The following FAM171A1 variants were observed in gnomAD, a reference collection of about 807,000 sequenced individuals.
FAM171A1 encodes the protein family with sequence similarity 171 member A1, also known as protein FAM171A1.
A neutral mutation model predicts 74.9 loss-of-function variants in FAM171A1; 23 were observed. The ratio of observed to expected loss-of-function variants is 0.31; its 90% CI spans 0.22 to 0.44. The LOEUF (loss-of-function observed/expected upper bound fraction) is 0.44. FAM171A1 is among the 20% of genes least tolerant of loss of function. FAM171A1 has a pLI of 1.00. For missense variants in FAM171A1, 1,162 were observed against 1,159.2 expected (o/e 1.00, Z -0.03); for synonymous variants, 527 against 505.7 (o/e 1.04, Z -0.57).
intron 2 of FAM171A1, among the ~76,000 whole-genome samples, chr10:15,279,173 G>A (rs541847159): frequency 6.6e-6 from 1 of 152,322 alleles, no homozygotes; most frequent in South Asian, 2.1e-4. Flanking sequence ...GACCATCGCA[G>A]TGTGTTTTGA....
intron 1 of FAM171A1, among the ~76,000 whole-genome samples, chr10:15,367,493 GC>G (rs1836079923): frequency 6.6e-6 from 1 of 152,194 alleles, no homozygotes; most frequent in South Asian, 2.1e-4. Flanking sequence ...TCCAGCTCCT[GC>G]GGTTTCCCAG....
At chr10:15,243,809 A>AT (rs753134546) in intron 5 of FAM171A1, among the ~76,000 whole-genome samples, 104,529 of 151,730 alleles carry the variant, frequency 0.69, 36,303 homozygotes, top group South Asian at 0.84. Context: ...GTATACATTG[A>AT]CTGAGCAGCT....
intron 1 of FAM171A1, among the ~76,000 whole-genome samples, chr10:15,290,175 C>G (rs1835086670): frequency 6.6e-6 from 1 of 151,948 alleles, no homozygotes; most frequent in Non-Finnish European, 1.5e-5. Context: ...TTGCAGTGAA[C>G]CGAGACCACG....
chr10:15,295,790 C>T (rs1835154480), intron 1 of FAM171A1, among the ~76,000 whole-genome samples: 1 of 152,214 alleles, frequency 6.6e-6, no homozygotes, highest in Non-Finnish European at 1.5e-5. Context: ...GCCCAGCACT[C>T]CTGTGGCTGC....
At position 15,254,976 on chromosome 10, in the gene FAM171A1, C is replaced by T. The variant is rs963208662; in HGVS notation, c.419-97G>A. ...GTGCCTCTCTAAGGTTTCAGCACGC[C>T]TCCCCCACCCTGCTCCCTCTCACAA... On this transcript the variant is annotated intron_variant, in intron 3 of 7. Coordinates refer to ENST00000378116, the MANE Select transcript of FAM171A1 (RefSeq NM_001010924.2). The T allele has an allele frequency of 4.5e-6, 5 of 1,103,142 alleles. No individual in the cohort carries two copies. The African/African-American group carries it at 6.3e-5, about 14-fold the overall frequency. The allele number at this position is 1,103,142 out of a possible 1,614,324, so 68.3% of individuals were successfully genotyped here. A position where few individuals can be genotyped will look rare whatever the true frequency, so the allele number is the denominator to read the frequency against.
chr10:15,308,512 G>C (rs975802214), intron 1 of FAM171A1, among the ~76,000 whole-genome samples: 2 of 152,144 alleles, frequency 1.3e-5, no homozygotes, highest in East Asian at 1.9e-4. Flanking sequence ...TGCCCAGGCT[G>C]GAGTGCAGTG....
At chr10:15,227,711 C>A (rs561492705) in intron 5 of FAM171A1, among the ~76,000 whole-genome samples, 1 of 152,182 alleles carries the variant, frequency 6.6e-6, no homozygotes, top group African/African-American at 2.4e-5. Flanking sequence ...TTAGACCTTA[C>A]ACAATGGAAA....
At chr10:15,293,285 C>T (rs1427589848) in intron 1 of FAM171A1, among the ~76,000 whole-genome samples, 1 of 152,056 alleles carries the variant, frequency 6.6e-6, no homozygotes, top group African/African-American at 2.4e-5. Context: ...CCATTTATTT[C>T]TTATAACTAC....
intron 3 of FAM171A1, 30 bp downstream of exon 3, chr10:15,275,825 A>G: frequency 7.0e-7 from 1 of 1,427,476 alleles, no homozygotes; most frequent in Non-Finnish European, 9.6e-7. Flanking sequence ...CAAAAATAAC[A>G]ATAAAAACTG....
chr10:15,254,770 C>T lies in FAM171A1; in HGVS notation c.528G>A (p.Ser176=), dbSNP rs1019438801. The T allele has an allele frequency of 7.4e-6, 12 of 1,614,096 alleles. 1 individual carries two copies. The Admixed American group carries it at 1.0e-4, about 13-fold the overall frequency. The part of the protein sequence containing the change: ...TAFLTAASSP[S]EVDSFPYLRG... ...GCAAATAAGGAAAACTGTCCACCTC[C>T]GAAGGGGAGCTGGCGGCCGTGAGAA... The change falls in exon 4 of 8, where the codon TCG becomes TCA. Residue 176 remains serine (S), a synonymous_variant. Transcript: ENST00000378116.
chr10:15,239,237 A>T (rs1283419189), intron 5 of FAM171A1, among the ~76,000 whole-genome samples: 1 of 152,236 alleles, frequency 6.6e-6, no homozygotes, highest in Non-Finnish European at 1.5e-5. Context: ...ATGGGAAGGA[A>T]AACTGCTTCT....
At chr10:15,314,529 C>T (rs1264946551) in intron 1 of FAM171A1, among the ~76,000 whole-genome samples, 1 of 152,152 alleles carries the variant, frequency 6.6e-6, no homozygotes, top group Non-Finnish European at 1.5e-5. Flanking sequence ...CCTGGCTTGA[C>T]CTAAAATTGG....
At chr10:15,279,060 T>C (rs4748151) in intron 2 of FAM171A1, among the ~76,000 whole-genome samples, 47,297 of 151,812 alleles carry the variant, frequency 0.31, 8,900 homozygotes, top group East Asian at 0.58. Flanking sequence ...AGAGCTCCCG[T>C]GGCGACTGCA....
At chr10:15,238,009 T>A (rs761690722) in intron 5 of FAM171A1, among the ~76,000 whole-genome samples, 18 of 152,322 alleles carry the variant, frequency 1.2e-4, no homozygotes, top group Non-Finnish European at 2.2e-4. Context: ...TGCCCTGAAC[T>A]ACGGCATCTA....
intron 5 of FAM171A1, among the ~76,000 whole-genome samples, chr10:15,223,128 C>G (rs1834060664): frequency 1.3e-5 from 2 of 152,018 alleles, no homozygotes; most frequent in Non-Finnish European, 1.5e-5. Context: ...TCACTTGAAG[C>G]CAGGAGTTCG....
intron 1 of FAM171A1, among the ~76,000 whole-genome samples, chr10:15,360,483 A>G (rs1222960297): frequency 6.6e-6 from 1 of 152,218 alleles, no homozygotes; most frequent in Non-Finnish European, 1.5e-5. Flanking sequence ...TTCACAAACA[A>G]GACTTTGAGG....
chr10:15,370,987 CT>C lies in FAM171A1; in HGVS notation c.65del (p.Lys22ArgfsTer13). ...LGCHVWKAVT[K>X]TLREPGAGAQ... ...CTCCGGCGCCGGGCTCCCGCAGCGT[CT>C]TGGTCACCGCCTTCCAGACGTGGCA... is the stretch of plus-strand genomic sequence containing the variant. On this transcript the variant is annotated frameshift_variant, in exon 1 of 8. Transcript: ENST00000378116. LOFTEE classifies it high-confidence loss of function. 1 of 1,192,238 alleles carries C rather than the reference CT, an allele frequency of 8.4e-7. No individual in the cohort carries two copies. Among genetic ancestry groups the C allele is most frequent in the Non-Finnish European group, 1.1e-6 (1 of 939,092 alleles). 73.9% of individuals were successfully genotyped at this position (1,192,238 alleles called of 1,614,324 possible).
At chr10:15,257,974 C>G (rs1481268329) in intron 3 of FAM171A1, among the ~76,000 whole-genome samples, 1 of 152,154 alleles carries the variant, frequency 6.6e-6, no homozygotes, top group African/African-American at 2.4e-5. Flanking sequence ...AGGGCTCCAT[C>G]CCCATCCCCA....
intron 1 of FAM171A1, among the ~76,000 whole-genome samples, chr10:15,329,010 G>A (rs536029013): frequency 2.0e-5 from 3 of 152,254 alleles, no homozygotes; most frequent in Non-Finnish European, 4.4e-5. Flanking sequence ...CAGTCACGCC[G>A]CACATAAACA....
Sources: gnomAD v4.1 joint callset for allele counts (sites outside exome capture counted in the v4.1 genomes callset) on GRCh38, gnomAD v4.1.1 for gene constraint, MANE v1.5 for transcripts, NCBI Gene and HGNC (gene_info 2026-07-23, HGNC 2026-07-21) for gene names.